The following USP3 variants were observed in gnomAD, a reference collection of about 807,000 sequenced individuals.
USP3 encodes the protein ubiquitin carboxyl-terminal hydrolase 3.
A neutral mutation model predicts 72.3 loss-of-function variants in USP3; 20 were observed. The ratio of observed to expected loss-of-function variants is 0.28; its 90% CI spans 0.19 to 0.40. USP3 has a LOEUF of 0.40. Ranked by LOEUF, USP3 falls within the 10% of genes least tolerant of loss-of-function variation. USP3 has a pLI of 1.00. For missense variants in USP3, 479 were observed against 633.9 expected, an observed-to-expected ratio of 0.76 and a Z score of 2.62; for synonymous variants, 222 against 225.3, an observed-to-expected ratio of 0.99 and a Z score of 0.13.
intron 8 of USP3, among the ~76,000 whole-genome samples, chr15:63,563,313 C>T (rs1311764984): frequency 6.6e-6 from 1 of 152,166 alleles, no homozygotes; most frequent in East Asian, 1.9e-4. Context: ...TTCCTTAATT[C>T]TTTCACAATG....
At chr15:63,537,448 T>C (rs143041059) in intron 3 of USP3, among the ~76,000 whole-genome samples, 42 of 152,362 alleles carry the variant, frequency 2.8e-4, no homozygotes, top group Middle Eastern at 3.4e-3. Context: ...TTTCTTTTTC[T>C]TGTGTTATTT....
chr15:63,572,250 C>T (rs2066790799), intron 9 of USP3, among the ~76,000 whole-genome samples: 2 of 152,220 alleles, frequency 1.3e-5, no homozygotes, highest in South Asian at 4.1e-4. Context: ...GAAGTGATTA[C>T]AAGGAAGAAC....
At chr15:63,549,013 T>C (rs1057505468) in intron 3 of USP3, among the ~76,000 whole-genome samples, 7 of 152,228 alleles carry the variant, frequency 4.6e-5, no homozygotes, top group Admixed American at 4.6e-4. Flanking sequence ...TTTAAAATAT[T>C]TTAGTAGCCA....
intron 1 of USP3, among the ~76,000 whole-genome samples, chr15:63,524,572 G>A (rs1324982255): frequency 6.6e-6 from 1 of 152,174 alleles, no homozygotes; most frequent in Non-Finnish European, 1.5e-5. Flanking sequence ...GTTACCAGAC[G>A]TGTGTTAAGA....
intron 1 of USP3, among the ~76,000 whole-genome samples, chr15:63,517,139 C>T (rs369067549): frequency 2.0e-4 from 31 of 152,022 alleles, no homozygotes; most frequent in South Asian, 2.1e-4. Context: ...GTGCTGCACC[C>T]ATTAACTCGT....
At chr15:63,547,798 GAGGCAT>G (rs1382034193) in intron 3 of USP3, among the ~76,000 whole-genome samples, 8 of 88,782 alleles carry the variant, frequency 9.0e-5, no homozygotes, top group East Asian at 5.3e-4. Flanking sequence ...GAGAGAGAGA[GAGGCAT>G]AGAGAGAGGC....
Position 63,528,311 on chromosome 15 carries a change from C to G in USP3, c.92-4336C>G, listed in dbSNP as rs1465581439. Among the ~76,000 whole-genome samples the G allele has an allele frequency of 3.9e-5, 6 of 152,132 alleles. No individual in the cohort carries two copies. The highest frequency in any genetic ancestry group is 2.0e-4 in the Admixed American group (3 of 15,270). Reference sequence around the variant, plus strand: ...AGACTCCCAGTCACACCGCTATGGCCAAGTGTGAGAAATAAATTGCATGGC... The same window carrying G: ...AGACTCCCAGTCACACCGCTATGGCGAAGTGTGAGAAATAAATTGCATGGC... On this transcript the variant is annotated intron_variant, in intron 1 of 14. Transcript: ENST00000380324. The surrounding 1 kb of genome is among the most constrained non-coding windows in gnomAD (Gnocchi z 4.3).
intron 1 of USP3, among the ~76,000 whole-genome samples, chr15:63,515,734 A>T (rs140863689): frequency 6.6e-6 from 1 of 152,256 alleles, no homozygotes; most frequent in Admixed American, 6.5e-5. Context: ...TGTTACATCA[A>T]TTTACCATAT....
chr15:63,548,341 G>T (rs546336881), intron 3 of USP3, among the ~76,000 whole-genome samples: 134 of 151,118 alleles, frequency 8.9e-4, no homozygotes, highest in African/African-American at 1.2e-3. Context: ...TTTTTTTTGG[G>T]GGGGGACAGA....
At chr15:63,562,766 T>C in intron 7 of USP3, 129 bp from the exon 8 acceptor site, 1 of 564,710 alleles carries the variant, frequency 1.8e-6, no homozygotes, top group Non-Finnish European at 3.1e-6. Context: ...TTTCAGACTT[T>C]CTTCAGAAAA....
chr15:63,537,339 A>C (rs11853890), intron 3 of USP3, among the ~76,000 whole-genome samples, 183 bp downstream of exon 3: 3 of 151,970 alleles, frequency 2.0e-5, no homozygotes, highest in African/African-American at 7.3e-5. Context: ...TTTACTTTGC[A>C]TTGTTCCTTT....
chr15:63,541,949 G>C, intron 3 of USP3: 2 of 557,574 alleles, frequency 3.6e-6, no homozygotes, highest in Non-Finnish European at 4.6e-6. Context: ...TGTTATGCAT[G>C]GCTTACTGTA....
chr15:63,573,758 A>G (rs1177588619), intron 9 of USP3, among the ~76,000 whole-genome samples: 1 of 152,176 alleles, frequency 6.6e-6, no homozygotes, highest in Non-Finnish European at 1.5e-5. Context: ...AGAGTCATGC[A>G]TGTGATCTGT....
At chr15:63,517,539 G>GGT (rs1398695510) in intron 1 of USP3, among the ~76,000 whole-genome samples, 3 of 152,128 alleles carry the variant, frequency 2.0e-5, no homozygotes, top group Non-Finnish European at 4.4e-5. Context: ...TTTGTAACTG[G>GGT]GTGGGGCTTG....
At position 63,530,402 on chromosome 15, in the gene USP3, T is replaced by C. The variant is rs76442647; in HGVS notation, c.92-2245T>C. ...GTGCAGTAGTGCAGTCATATCTCAC[T>C]GCAGCTTCACCTTCCTGGGCTCAAT... On this transcript the variant is annotated intron_variant, in intron 1 of 14. Coordinates refer to ENST00000380324, the MANE Select transcript of USP3 (RefSeq NM_006537.4). 7.1e-3 allele frequency: 1,735 copies of C among 244,860 alleles called. 29 individuals carry two copies. Among genetic ancestry groups the C allele is most frequent in the African/African-American group, 0.039 (1,638 of 41,880 alleles). The allele number at this position is 244,860 out of a possible 1,614,324, so 15.2% of individuals were successfully genotyped here.
At chr15:63,511,791 A>G (rs1377230846) in intron 1 of USP3, among the ~76,000 whole-genome samples, 2 of 151,976 alleles carry the variant, frequency 1.3e-5, no homozygotes, top group African/African-American at 4.8e-5. Context: ...TAAGGTATAG[A>G]ATTTTGCATT....
At chr15:63,581,114 A>C (rs1275194196) in intron 11 of USP3, among the ~76,000 whole-genome samples, 1 of 151,392 alleles carries the variant, frequency 6.6e-6, no homozygotes, top group Non-Finnish European at 1.5e-5. Flanking sequence ...CTGCTAATAG[A>C]CTCTTTACAG....
At chr15:63,569,190 T>C (rs1322306435) in intron 8 of USP3, among the ~76,000 whole-genome samples, 1 of 152,220 alleles carries the variant, frequency 6.6e-6, no homozygotes, top group African/African-American at 2.4e-5. Flanking sequence ...ATAATGGATA[T>C]TGTATTAAAT....
In USP3 at chr15:63,593,144, A is replaced by G. The variant is rs1456942955; in HGVS notation, c.*2318A>G. 1 of 152,228 alleles carries G rather than the reference A, an allele frequency of 6.6e-6. No homozygotes were observed. The highest frequency in any genetic ancestry group is 1.5e-5 in the Non-Finnish European group (1 of 68,040). The allele number at this position is 152,228 out of a possible 1,614,324, so 9.4% of individuals were successfully genotyped here. On this transcript the variant is annotated 3_prime_UTR_variant, in exon 15 of 15. Transcript: ENST00000380324. ...TTTAGGTCTTACAACTTTGAGTCCT[A>G]AAAGATAATAGGGAGATGTGTGCTT...
Sources: allele counts gnomAD v4.1 joint callset (sites outside exome capture counted in the v4.1 genomes callset), GRCh38; gene constraint gnomAD v4.1.1; non-coding constraint Gnocchi (gnomAD v3.1); transcripts MANE v1.5; gene names NCBI Gene and HGNC (gene_info 2026-07-23, HGNC 2026-07-21).